Variants in TRPM3 observed in about 807,000 individuals in gnomAD.
TRPM3 encodes transient receptor potential cation channel subfamily M member 3, also known as long transient receptor potential channel 3.
In TRPM3, 77 loss-of-function variants were observed where a neutral mutation model predicts 181.2. That is an observed-to-expected ratio of 0.42 (90% confidence interval 0.35 to 0.51). TRPM3 has a LOEUF of 0.51. Ranked by LOEUF, TRPM3 falls within the 20% of genes least tolerant of loss-of-function variation. TRPM3 has a pLI of 0.01. For missense variants in TRPM3, 1,759 were observed against 2,196.7 expected (o/e 0.80, Z 3.98); for synonymous variants, 745 against 796.4 (o/e 0.94, Z 1.09).
intron 9 of TRPM3, among the ~76,000 whole-genome samples, chr9:70,680,350 T>TG (rs2065112443): frequency 6.6e-6 from 1 of 152,182 alleles, no homozygotes. Context: ...TGGTAGCACA[T>TG]GATGGGTCCT....
rs2061943230 is a variant in TRPM3, at chr9:70,667,047, T to A, written c.1345+14459A>T. ...ATTTCTCTGAGGCTATTAAAGACAG[T>A]ATTGGTGAATTTCCTTCTCCCTACA... On this transcript the variant is annotated intron_variant, in intron 9 of 25. Transcript: ENST00000677713. 2.0e-5 allele frequency among the ~76,000 whole-genome samples: 3 copies of A among 152,060 alleles called. No homozygotes were observed. The South Asian group carries it at 6.2e-4, about 32-fold the overall frequency.
chr9:71,196,137 A>G (rs1257324602), intron 1 of TRPM3, among the ~76,000 whole-genome samples: 1 of 147,190 alleles, frequency 6.8e-6, no homozygotes, highest in Non-Finnish European at 1.5e-5. Flanking sequence ...TTTTATGTAC[A>G]TACGCATATA....
intron 1 of TRPM3, among the ~76,000 whole-genome samples, chr9:70,875,937 A>G (rs187462008): frequency 6.6e-6 from 1 of 151,966 alleles, no homozygotes; most frequent in East Asian, 1.9e-4. Flanking sequence ...GCTGATAGGC[A>G]TTTTTCTGTC....
intron 22 of TRPM3, among the ~76,000 whole-genome samples, chr9:70,569,565 T>C (rs986615837): frequency 3.9e-5 from 6 of 152,174 alleles, no homozygotes; most frequent in Non-Finnish European, 8.8e-5. Flanking sequence ...CCAGAGACGA[T>C]GAGTTTAGGA....
chr9:71,093,130 T>A (rs1017870704), intron 1 of TRPM3, among the ~76,000 whole-genome samples: 1 of 151,910 alleles, frequency 6.6e-6, no homozygotes, highest in Non-Finnish European at 1.5e-5. Flanking sequence ...ACCATAAAAA[T>A]CATAGAAGAA....
chr9:71,201,374 G>A (rs2078782178), intron 1 of TRPM3, among the ~76,000 whole-genome samples: 1 of 152,086 alleles, frequency 6.6e-6, no homozygotes, highest in Admixed American at 6.6e-5. Context: ...TTCTCGAGGA[G>A]TATCTTTGTG....
At chr9:70,803,681 A>T (rs2089921280) in intron 6 of TRPM3, among the ~76,000 whole-genome samples, 1 of 151,638 alleles carries the variant, frequency 6.6e-6, no homozygotes, top group Non-Finnish European at 1.5e-5. Flanking sequence ...CGATCTCCTG[A>T]CCTCGTGATC....
intron 8 of TRPM3, among the ~76,000 whole-genome samples, chr9:70,745,208 T>C (rs1301118498): frequency 6.6e-6 from 1 of 152,130 alleles, no homozygotes; most frequent in Non-Finnish European, 1.5e-5. Context: ...ATCTAAATTT[T>C]CTGGAGGTGA....
intron 1 of TRPM3, among the ~76,000 whole-genome samples, chr9:71,350,122 C>A (rs956555346): frequency 3.9e-5 from 6 of 151,948 alleles, no homozygotes; most frequent in Non-Finnish European, 8.8e-5. Context: ...CTTCTAAAAT[C>A]TTGCTATTTA....
chr9:70,629,955 GA>G (rs2065492777), intron 12 of TRPM3, among the ~76,000 whole-genome samples: 1 of 152,212 alleles, frequency 6.6e-6, no homozygotes, highest in South Asian at 2.1e-4. Flanking sequence ...GGCCCCTTGG[GA>G]TAGGTGTCCT....
chr9:71,395,778 A>G (rs1486209780), intron 1 of TRPM3, among the ~76,000 whole-genome samples: 2 of 152,226 alleles, frequency 1.3e-5, no homozygotes, highest in Non-Finnish European at 2.9e-5. Context: ...CTTCATATCA[A>G]AGAAAATGCC....
At chr9:70,618,172 TC>T (rs1486957426) in intron 17 of TRPM3, among the ~76,000 whole-genome samples, 1 of 152,206 alleles carries the variant, frequency 6.6e-6, no homozygotes, top group Non-Finnish European at 1.5e-5. Flanking sequence ...CTATACACCA[TC>T]CTATTTCCCT....
intron 12 of TRPM3, 141 bp downstream of exon 12, chr9:70,635,060 TACACACACAC>T: frequency 5.5e-6 from 3 of 546,544 alleles, no homozygotes; most frequent in Admixed American, 3.4e-5. Flanking sequence ...AAAAGACACA[TACACACACAC>T]ACACACACAC....
intron 8 of TRPM3, among the ~76,000 whole-genome samples, chr9:70,742,070 A>C (rs1349513180): frequency 2.6e-5 from 4 of 152,126 alleles, no homozygotes; most frequent in Non-Finnish European, 5.9e-5. Flanking sequence ...AAAATAAATA[A>C]ATTTCTGAAA....
chr9:71,060,060 C>G (rs2061134672), intron 1 of TRPM3, among the ~76,000 whole-genome samples: 1 of 152,078 alleles, frequency 6.6e-6, no homozygotes, highest in Admixed American at 6.6e-5. Context: ...AGAAGAGAAT[C>G]AGACTTGCTC....
intron 1 of TRPM3, among the ~76,000 whole-genome samples, chr9:71,197,815 T>G (rs10868974): frequency 0.27 from 26,054 of 96,774 alleles, 4,386 homozygotes; most frequent in East Asian, 0.33. Context: ...CTCCCATTCT[T>G]TAGGTTGCCT....
intron 1 of TRPM3, among the ~76,000 whole-genome samples, chr9:71,364,058 G>C (rs1350521171): frequency 6.6e-6 from 1 of 151,980 alleles, no homozygotes; most frequent in African/African-American, 2.4e-5. Flanking sequence ...AAATAAGACT[G>C]GAAAAAAGAT....
chr9:70,630,550 A>G (rs937736721), intron 12 of TRPM3, among the ~76,000 whole-genome samples: 2 of 152,208 alleles, frequency 1.3e-5, no homozygotes, highest in African/African-American at 4.8e-5. Flanking sequence ...AAGTCCAAAC[A>G]CCTTCTGGAG....
At chr9:71,327,301 C>T (rs2089763812) in intron 1 of TRPM3, among the ~76,000 whole-genome samples, 1 of 152,174 alleles carries the variant, frequency 6.6e-6, no homozygotes, top group Admixed American at 6.5e-5. Flanking sequence ...ACTGCCAATG[C>T]CATTGTGCTA....
Sources: allele counts gnomAD v4.1 joint callset (sites outside exome capture counted in the v4.1 genomes callset), GRCh38; gene constraint gnomAD v4.1.1; transcripts MANE v1.5; gene names NCBI Gene and HGNC (gene_info 2026-07-23, HGNC 2026-07-21).